Variants in DDX60 observed in about 807,000 individuals in gnomAD.
DDX60 encodes the protein DExD/H-box helicase 60.
Under a neutral mutation model 212.8 loss-of-function variants are expected in DDX60, and 165 were observed. The observed-to-expected ratio is 0.78, with a 90% CI of 0.68 to 0.88. The LOEUF (loss-of-function observed/expected upper bound fraction) is 0.88. Among genes scored for constraint, DDX60 ranks in the 40% least tolerant of loss-of-function variants. The pLI, the probability that DDX60 is intolerant of heterozygous loss-of-function variation, is 0.00. For missense variants in DDX60, 1,905 were observed against 2,003.9 expected, an observed-to-expected ratio of 0.95 and a Z score of 0.94; for synonymous variants, 703 against 685.3, an observed-to-expected ratio of 1.03 and a Z score of -0.40.
At chr4:168,246,650 T>C in intron 29 of DDX60, 32 bp from the exon 30 acceptor site, 2 of 1,607,886 alleles carry the variant, frequency 1.2e-6, no homozygotes, top group East Asian at 2.2e-5. Flanking sequence ...AATGTAAAAC[T>C]TCCCTAAATG....
intron 6 of DDX60, among the ~76,000 whole-genome samples, chr4:168,299,054 G>A (rs368291631): frequency 1.0e-4 from 15 of 150,448 alleles, no homozygotes; most frequent in East Asian, 5.9e-4. Context: ...CCAGCTACTC[G>A]GAAGGCTGAG....
chr4:168,272,613 T>G (rs936840833), intron 18 of DDX60, among the ~76,000 whole-genome samples: 3 of 152,082 alleles, frequency 2.0e-5, no homozygotes, highest in African/African-American at 7.2e-5. Context: ...GCTGTCAGAG[T>G]TGTTCCACAT....
intron 37 of DDX60, among the ~76,000 whole-genome samples, chr4:168,218,072 T>C (rs576560708): frequency 5.8e-4 from 88 of 152,310 alleles, no homozygotes; most frequent in African/African-American, 2.0e-3. Context: ...AAAACTGTCA[T>C]GATCTGACAT....
At chr4:168,312,776 A>G (rs1427252846) in intron 1 of DDX60, among the ~76,000 whole-genome samples, 3 of 131,284 alleles carry the variant, frequency 2.3e-5, no homozygotes, top group East Asian at 2.1e-4. Flanking sequence ...TTCCTATTCC[A>G]TGATAGTAAG....
At chr4:168,319,388 A>C (rs964949566), upstream of DDX60, among the ~76,000 whole-genome samples, 2 of 152,202 alleles carry the variant, frequency 1.3e-5, no homozygotes, top group Non-Finnish European at 2.9e-5. Flanking sequence ...CTGAAACCCC[A>C]CAATGAAATT....
chr4:168,272,124 C>G lies in DDX60; in HGVS notation c.2589G>C (p.Val863=), dbSNP rs373229160. The G allele has an allele frequency of 4.4e-6, 7 of 1,578,346 alleles. No homozygotes were observed. In the African/African-American group the frequency reaches 8.1e-5, roughly 18 times the overall value. The change falls in exon 19 of 38, where the codon GTG becomes GTC. Residue 863 remains valine, a synonymous_variant. Transcript: ENST00000393743. ...DALNCQVLIT[V]PACFEILLLA... ...GCAGCAGAATTTCAAAGCAGGCAGG[C>G]ACTGTAATAAGTACCTACAAAGAAT...
intron 1 of DDX60, among the ~76,000 whole-genome samples, chr4:168,312,674 GGATA>G (rs752600576): frequency 9.6e-5 from 14 of 145,194 alleles, no homozygotes; most frequent in Non-Finnish European, 2.1e-4. Flanking sequence ...CATGATTTAT[GGATA>G]GATAGTAGAT....
At chr4:168,280,153 T>C (rs1287200157) in intron 14 of DDX60, among the ~76,000 whole-genome samples, 182 bp downstream of exon 14, 1 of 152,214 alleles carries the variant, frequency 6.6e-6, no homozygotes, top group Non-Finnish European at 1.5e-5. Context: ...AGGCAACCAT[T>C]GTGGGTCTTA....
intron 12 of DDX60, 92 bp from the exon 13 acceptor site, chr4:168,283,698 A>T (rs1483308355): frequency 1.1e-6 from 1 of 872,210 alleles, no homozygotes; most frequent in African/African-American, 1.7e-5. Context: ...CCAGTAGTTA[A>T]ATTAGTGGAA....
Position 168,255,841 on chromosome 4 carries a change from C to T in DDX60, c.3427G>A (p.Ala1143Thr). The T allele has an allele frequency of 6.3e-7, 1 of 1,595,230 alleles. No individual in the cohort carries two copies. The highest frequency in any genetic ancestry group is 8.5e-7 in the Non-Finnish European group (1 of 1,174,716). Residue 1143 changes from alanine to threonine, a missense_variant, in exon 26 of 38, where the codon GCT becomes ACT. Transcript: ENST00000393743. ...TTTAGGAAAGTGCTCACACTTTCAG[C>T]TGCGTTTTCTACAGCTCCTAACTTG... Reference protein sequence around the residue: ...LFKLGAVENAAESVSTFLKKK... With the variant: ...LFKLGAVENATESVSTFLKKK...
intron 33 of DDX60, among the ~76,000 whole-genome samples, chr4:168,228,062 T>C (rs916211534): frequency 6.6e-6 from 1 of 152,104 alleles, no homozygotes; most frequent in Non-Finnish European, 1.5e-5. Context: ...AAAGTGTACT[T>C]AAACAAACCT....
rs368004593 is a variant in DDX60, at chr4:168,273,361, C to T, written c.2492G>A (p.Arg831His). 1.1e-5 allele frequency: 17 copies of T among 1,613,688 alleles called. No individual in the cohort carries two copies. Among genetic ancestry groups the T allele is most frequent in the African/African-American group, 4.0e-5 (3 of 74,884 alleles). Residue 831 changes from arginine to histidine, a missense_variant, in exon 18 of 38, where the codon CGT (arginine) becomes CAT (histidine). Physicochemically the swap from Arg to His is conservative, Grantham distance 29. Transcript: ENST00000393743. Reference sequence around the variant, plus strand: ...ACCACTTGGCAGATTTTTCGTAAAACGATTCTGAACAGTTGCTGCCACTTG... The same window carrying T: ...ACCACTTGGCAGATTTTTCGTAAAATGATTCTGAACAGTTGCTGCCACTTG... ...VNQVAATVQNRFTKNLPSGEV... is the reference protein window; with the variant it reads ...VNQVAATVQNHFTKNLPSGEV...
intron 6 of DDX60, among the ~76,000 whole-genome samples, chr4:168,299,568 A>G (rs1311023440): frequency 6.7e-6 from 1 of 150,132 alleles, no homozygotes; most frequent in East Asian, 1.9e-4. Flanking sequence ...ACCTGATCAT[A>G]AAAAAAAACC....
At position 168,311,051 on chromosome 4, in the gene DDX60, T is replaced by C; in HGVS notation, c.21A>G (p.Thr7=). The change falls in exon 3 of 38, where the codon ACA becomes ACG. Residue 7 remains threonine (T), a synonymous_variant. Transcript: ENST00000393743. The part of the protein sequence containing the change: MERNVL[T]TFSQEMSQLI... Reference sequence around the variant, plus strand: ...ACTGGGACATTTCCTGTGAAAATGTTGTAAGAACATTTCTTTCTAAATTTA... The same window carrying C: ...ACTGGGACATTTCCTGTGAAAATGTCGTAAGAACATTTCTTTCTAAATTTA... 6.3e-7 allele frequency: 1 copy of C among 1,578,584 alleles called. No individual in the cohort carries two copies. The highest frequency in any genetic ancestry group is 2.2e-5 in the East Asian group (1 of 44,564).
chr4:168,225,532 T>C lies in DDX60; in HGVS notation c.4678A>G (p.Ile1560Val). ...NQEYQLPLSK[I>V]KFTGKECEDS... Reference sequence around the variant, plus strand: ...AATGGAGGTAAAATATACTTACTGATTTTTGACAATGGGAGTTGATATTCC... The same window carrying C: ...AATGGAGGTAAAATATACTTACTGACTTTTGACAATGGGAGTTGATATTCC... Residue 1560 changes from isoleucine to valine, a missense_variant, in exon 34 of 38, where the codon ATC (isoleucine) becomes GTC (valine). By Grantham distance (29) the Ile-to-Val change is conservative. Transcript: ENST00000393743. The C allele has an allele frequency of 1.2e-6, 2 of 1,603,650 alleles. No individual in the cohort carries two copies. The highest frequency in any genetic ancestry group is 1.7e-6 in the Non-Finnish European group (2 of 1,176,504).
chr4:168,315,485 T>A (rs1737324781), intron 1 of DDX60, among the ~76,000 whole-genome samples: 1 of 152,222 alleles, frequency 6.6e-6, no homozygotes, highest in Non-Finnish European at 1.5e-5. Flanking sequence ...GATATACATG[T>A]GCCATGGTGG....
At chr4:168,241,159 A>C (rs1027718065) in intron 30 of DDX60, among the ~76,000 whole-genome samples, 14 of 152,198 alleles carry the variant, frequency 9.2e-5, no homozygotes, top group African/African-American at 2.9e-4. Context: ...TGCCATGATT[A>C]TGAGACCTCC....
chr4:168,239,022 T>A (rs1733740844), intron 30 of DDX60, among the ~76,000 whole-genome samples: 1 of 152,106 alleles, frequency 6.6e-6, no homozygotes, highest in South Asian at 2.1e-4. Context: ...TGGCAAACCA[T>A]CAGATTTGGA....
At chr4:168,287,235 A>C in intron 9 of DDX60, 32 bp from the exon 10 acceptor site, 1 of 1,560,560 alleles carries the variant, frequency 6.4e-7, no homozygotes, top group Non-Finnish European at 8.8e-7. Context: ...TAAATACTAG[A>C]AGCCATCCAC....
Sources: gnomAD v4.1 joint callset for allele counts (sites outside exome capture counted in the v4.1 genomes callset) on GRCh38, gnomAD v4.1.1 for gene constraint, MANE v1.5 for transcripts, NCBI Gene and HGNC (gene_info 2026-07-23, HGNC 2026-07-21) for gene names.